MPPED1: variants seen among roughly 807,000 people sequenced by gnomAD.
MPPED1 encodes metallophosphoesterase domain containing 1.
Under a neutral mutation model 36.2 loss-of-function variants are expected in MPPED1, and 16 were observed. The ratio of observed to expected loss-of-function variants is 0.44; its 90% CI spans 0.30 to 0.67. The LOEUF is 0.67. MPPED1 is among the 30% of genes least tolerant of loss of function. MPPED1 has a pLI of 0.10. For missense variants in MPPED1, 307 were observed against 453.4 expected (o/e 0.68, Z 2.93); for synonymous variants, 199 against 191.3 (o/e 1.04, Z -0.33).
intron 3 of MPPED1, among the ~76,000 whole-genome samples, chr22:43,452,603 G>C (rs964212241): frequency 6.6e-6 from 1 of 152,058 alleles, no homozygotes; most frequent in African/African-American, 2.4e-5. Context: ...TGTTTATTTA[G>C]CCTTAAAACC....
intron 2 of MPPED1, among the ~76,000 whole-genome samples, chr22:43,429,368 C>A (rs1013028134): frequency 1.3e-5 from 2 of 152,216 alleles, no homozygotes; most frequent in Non-Finnish European, 2.9e-5. Flanking sequence ...ACTCACACCC[C>A]GGCACTGCCT....
At chr22:43,486,798 T>G (rs1171780179) in intron 4 of MPPED1, among the ~76,000 whole-genome samples, 1 of 151,892 alleles carries the variant, frequency 6.6e-6, no homozygotes, top group African/African-American at 2.4e-5. Context: ...CAGAGGGGTG[T>G]GAGCATCCTG....
chr22:43,434,755 C>T (rs1040264266), intron 2 of MPPED1, among the ~76,000 whole-genome samples: 1 of 152,248 alleles, frequency 6.6e-6, no homozygotes, highest in Admixed American at 6.5e-5. Flanking sequence ...TTCTCACTCC[C>T]TTTAACCTTC....
intron 3 of MPPED1, among the ~76,000 whole-genome samples, chr22:43,453,225 C>T (rs1930635787): frequency 6.6e-6 from 1 of 152,148 alleles, no homozygotes; most frequent in South Asian, 2.1e-4. Context: ...GCTGGGATTA[C>T]AGGCATCAGC....
At chr22:43,495,407 A>ATGGAGGTGGTGG (rs1932242462) in intron 4 of MPPED1, among the ~76,000 whole-genome samples, 1 of 50,034 alleles carries the variant, frequency 2.0e-5, no homozygotes, top group Non-Finnish European at 3.6e-5. Context: ...GGAGGTGGTG[A>ATGGAGGTGGTGG]TGGAGGTGGT....
At chr22:43,437,188 G>T (rs958405090) in intron 3 of MPPED1, among the ~76,000 whole-genome samples, 1 of 152,192 alleles carries the variant, frequency 6.6e-6, no homozygotes, top group Non-Finnish European at 1.5e-5. Context: ...CACCTTGGTT[G>T]GCCGGTGGGC....
At chr22:43,438,619 T>G (rs2146838340) in intron 3 of MPPED1, among the ~76,000 whole-genome samples, 1 of 152,252 alleles carries the variant, frequency 6.6e-6, no homozygotes, top group South Asian at 2.1e-4. Flanking sequence ...AGAGTCGATG[T>G]CTGGGTGGTG....
At chr22:43,504,418 T>C (rs1313884748) in intron 6 of MPPED1, among the ~76,000 whole-genome samples, 1 of 151,878 alleles carries the variant, frequency 6.6e-6, no homozygotes, top group Admixed American at 6.6e-5. Context: ...ATGATAATGA[T>C]AAGGGTAGTG....
Position 43,502,545 on chromosome 22 carries a change from C to A in MPPED1, c.749-99C>A. On this transcript the variant is annotated intron_variant, in intron 5 of 6. Coordinates refer to ENST00000443721, the MANE Select transcript of MPPED1 (RefSeq NM_001044370.2). This position sits in a 1 kb window ranked among gnomAD's most constrained non-coding sequence, Gnocchi z 5.5. The stretch of plus-strand genomic sequence containing the variant: ...GGTGCAAAGCCGGAGTCCGGAAGCC[C>A]CATGCCTTCTCCAGGCTGCAGAAGC... 1.1e-6 allele frequency: 1 copy of A among 916,908 alleles called. No individual in the cohort carries two copies. Among genetic ancestry groups the A allele is most frequent in the Non-Finnish European group, 1.7e-6 (1 of 571,892 alleles). The allele number at this position is 916,908 out of a possible 1,614,324, so 56.8% of individuals were successfully genotyped here.
chr22:43,435,042 C>T lies in MPPED1; in HGVS notation c.233C>T (p.Pro78Leu), dbSNP rs1304030616. Residue 78 changes from proline to leucine, a missense_variant, in exon 3 of 7, where the codon CCG becomes CTG. Pro to Leu is a moderately conservative substitution (Grantham distance 98, BLOSUM62 -3). Around this residue, in one of 3 missense-constraint regions of MPPED1, gnomAD observed 169 missense variants for 212.3 expected, o/e 0.80. Coordinates refer to ENST00000443721, the MANE Select transcript of MPPED1 (RefSeq NM_001044370.2). The part of the protein sequence containing the change: ...FQPPHVQMVD[P>L]VPHDAPKPPG... ...GTCATCTCTCCCTGCAGGGTGGACC[C>T]GGTGCCTCACGATGCCCCCAAACCT... 5 of 1,613,416 alleles carry T rather than the reference C, an allele frequency of 3.1e-6. No homozygotes were observed. The highest frequency in any genetic ancestry group is 4.2e-6 in the Non-Finnish European group (5 of 1,179,804).
chr22:43,497,672 T>A (rs1405970301), intron 4 of MPPED1, among the ~76,000 whole-genome samples: 2 of 151,658 alleles, frequency 1.3e-5, no homozygotes, highest in African/African-American at 2.4e-5. Flanking sequence ...GGCCCCACCC[T>A]CCCAGCTGGG....
chr22:43,418,394 C>T (rs1929149999), intron 1 of MPPED1: 8 of 337,852 alleles, frequency 2.4e-5, no homozygotes, highest in South Asian at 1.8e-4. Context: ...AGATCTTCCT[C>T]ACACATCTTC....
chr22:43,457,584 C>G (rs1179405875), intron 3 of MPPED1, among the ~76,000 whole-genome samples: 1 of 151,854 alleles, frequency 6.6e-6, no homozygotes, highest in Non-Finnish European at 1.5e-5. Context: ...TATTTTTTGT[C>G]CATCTTTTCT....
At chr22:43,500,751 C>T (rs1350375314) in intron 5 of MPPED1, among the ~76,000 whole-genome samples, 8 of 152,000 alleles carry the variant, frequency 5.3e-5, no homozygotes, top group Non-Finnish European at 1.2e-4. Context: ...TTGGAGGGCC[C>T]CCAGGCTGCA....
At chr22:43,489,558 G>A (rs1329780962) in intron 4 of MPPED1, among the ~76,000 whole-genome samples, 2 of 151,200 alleles carry the variant, frequency 1.3e-5, no homozygotes, top group Non-Finnish European at 2.9e-5. Context: ...TCGCTCTGTC[G>A]CCCAGGCTGG....
At chr22:43,499,070 G>A (rs1280457479) in intron 5 of MPPED1, among the ~76,000 whole-genome samples, 3 of 151,920 alleles carry the variant, frequency 2.0e-5, no homozygotes, top group African/African-American at 4.8e-5. Context: ...AGTGGTGATG[G>A]AGGTGGTGAT....
Position 43,502,884 on chromosome 22 carries a change from G to C in MPPED1, c.862+127G>C. On this transcript the variant is annotated intron_variant, in intron 6 of 6. Transcript: ENST00000443721. This position sits in a 1 kb window ranked among gnomAD's most constrained non-coding sequence, Gnocchi z 5.5. ...CATTCCTACTGTTCGCTTTGTAACT[G>C]CTAACTGCCATACACACCCTGGCTG... 1.3e-6 allele frequency: 1 copy of C among 765,178 alleles called. No individual in the cohort carries two copies. The highest frequency in any genetic ancestry group is 1.5e-5 in the South Asian group (1 of 65,740). The allele number at this position is 765,178 out of a possible 1,614,324, so 47.4% of individuals were successfully genotyped here.
intron 3 of MPPED1, among the ~76,000 whole-genome samples, chr22:43,443,354 T>A (rs1930220369): frequency 6.6e-6 from 1 of 152,110 alleles, no homozygotes; most frequent in Non-Finnish European, 1.5e-5. Flanking sequence ...AGGACCCTTC[T>A]GGGTGGAGCC....
intron 4 of MPPED1, among the ~76,000 whole-genome samples, chr22:43,476,199 T>A (rs2146887598): frequency 6.6e-6 from 1 of 152,288 alleles, no homozygotes; most frequent in South Asian, 2.1e-4. Flanking sequence ...CTGTGAGGAC[T>A]GATTTATTAT....
Sources: allele counts gnomAD v4.1 joint callset (sites outside exome capture counted in the v4.1 genomes callset), GRCh38; gene constraint gnomAD v4.1.1; regional missense constraint gnomAD v4.1.1; non-coding constraint Gnocchi (gnomAD v3.1); transcripts MANE v1.5; gene names NCBI Gene and HGNC (gene_info 2026-07-23, HGNC 2026-07-21).